Variants in AP4S1 observed in about 807,000 individuals in gnomAD.
AP4S1 encodes the protein AP-4 complex subunit sigma-1.
A neutral mutation model predicts 19.8 loss-of-function variants in AP4S1; 23 were observed. The ratio of observed to expected loss-of-function variants is 1.16; its 90% CI spans 0.84 to 1.65. AP4S1 has a LOEUF of 1.65. Ranked by LOEUF, AP4S1 falls within the 40% of genes most tolerant of loss-of-function variation. AP4S1 has a pLI of 0.00. For missense variants in AP4S1, 166 were observed against 172.8 expected (o/e 0.96, Z 0.22); for synonymous variants, 46 against 54.1 (o/e 0.85, Z 0.66).
chr14:31,028,140 A>G (rs978691981), intron 1 of AP4S1, among the ~76,000 whole-genome samples: 3 of 152,212 alleles, frequency 2.0e-5, no homozygotes, highest in Middle Eastern at 3.4e-3. Flanking sequence ...AGATTGCAGT[A>G]CTATAATGTT....
intron 5 of AP4S1, among the ~76,000 whole-genome samples, chr14:31,082,081 A>T (rs756362801): frequency 6.6e-6 from 1 of 152,072 alleles, no homozygotes; most frequent in African/African-American, 2.4e-5. Flanking sequence ...GGAAATTGCT[A>T]TTTACTTGTT....
chr14:31,072,626 C>T (rs1464819112), intron 3 of AP4S1, among the ~76,000 whole-genome samples: 1 of 152,186 alleles, frequency 6.6e-6, no homozygotes. Context: ...TCACCTTGGC[C>T]TCCCAAAGTG....
At chr14:31,033,274 C>T (rs528920062) in intron 1 of AP4S1, among the ~76,000 whole-genome samples, 10 of 151,834 alleles carry the variant, frequency 6.6e-5, no homozygotes, top group African/African-American at 1.7e-4. Flanking sequence ...AGTGCAGTGG[C>T]GTGATCTCGG....
At chr14:31,035,808 C>T (rs971066497) in intron 1 of AP4S1, among the ~76,000 whole-genome samples, 1 of 151,366 alleles carries the variant, frequency 6.6e-6, no homozygotes, top group Non-Finnish European at 1.5e-5. Context: ...CGACTCACTG[C>T]AACTTCCGCC....
At chr14:31,035,991 A>G (rs1322780627) in intron 1 of AP4S1, among the ~76,000 whole-genome samples, 1 of 152,040 alleles carries the variant, frequency 6.6e-6, no homozygotes, top group African/African-American at 2.4e-5. Context: ...TGGCCTCCCA[A>G]AGTGCTGGGA....
intron 1 of AP4S1, among the ~76,000 whole-genome samples, chr14:31,054,320 A>C (rs954523475): frequency 6.6e-6 from 1 of 152,226 alleles, no homozygotes; most frequent in African/African-American, 2.4e-5. Flanking sequence ...ATAAATAATA[A>C]TTGAGTAAAT....
chr14:31,084,619 G>A, intron 5 of AP4S1: 2 of 1,318,988 alleles, frequency 1.5e-6, no homozygotes, highest in Non-Finnish European at 2.1e-6. Flanking sequence ...ATACACTCCT[G>A]TGCACTCTTC....
At chr14:31,084,063 G>A (rs551252468) in intron 5 of AP4S1, among the ~76,000 whole-genome samples, 11 of 152,312 alleles carry the variant, frequency 7.2e-5, no homozygotes, top group Non-Finnish European at 1.5e-4. Context: ...TGCCAGGAAA[G>A]CTCCCTTAGG....
intron 1 of AP4S1, among the ~76,000 whole-genome samples, chr14:31,035,944 A>T (rs908647602): frequency 6.6e-6 from 1 of 151,884 alleles, no homozygotes; most frequent in Non-Finnish European, 1.5e-5. Context: ...GTTAGCCAGG[A>T]TGGTCTCGAT....
At chr14:31,049,441 A>ATATATATG (rs1885636601) in intron 1 of AP4S1, among the ~76,000 whole-genome samples, 2 of 57,976 alleles carry the variant, frequency 3.4e-5, no homozygotes, top group Non-Finnish European at 5.8e-5. Context: ...ATATATATAT[A>ATATATATG]TATATATATA....
intron 1 of AP4S1, among the ~76,000 whole-genome samples, chr14:31,061,648 T>A (rs1233112267): frequency 8.5e-6 from 1 of 117,862 alleles, no homozygotes; most frequent in Non-Finnish European, 1.9e-5. Context: ...TTAAAATCAA[T>A]TTTTTTTTTT....
At chr14:31,080,981 G>A (rs1594706905) in intron 5 of AP4S1, among the ~76,000 whole-genome samples, 1 of 152,000 alleles carries the variant, frequency 6.6e-6, no homozygotes, top group Non-Finnish European at 1.5e-5. Flanking sequence ...TAGTAGACAC[G>A]GGGTTTCACC....
chr14:31,054,893 AAAAC>A, intron 1 of AP4S1, among the ~76,000 whole-genome samples: 2 of 148,766 alleles, frequency 1.3e-5, no homozygotes, highest in South Asian at 2.1e-4. Flanking sequence ...AAAAAAAAAA[AAAAC>A]AGTGACAGGT....
chr14:31,050,208 C>T (rs1376505579), intron 1 of AP4S1, among the ~76,000 whole-genome samples: 1 of 152,212 alleles, frequency 6.6e-6, no homozygotes, highest in African/African-American at 2.4e-5. Flanking sequence ...AGGCGTGAGC[C>T]ACCACGCCTG....
intron 1 of AP4S1, among the ~76,000 whole-genome samples, chr14:31,042,938 G>A (rs1163882780): frequency 6.6e-6 from 1 of 152,114 alleles, no homozygotes; most frequent in Non-Finnish European, 1.5e-5. Flanking sequence ...ATGTAGCTGG[G>A]CACAGTGGCT....
chr14:31,055,812 A>G (rs574315773), intron 1 of AP4S1, among the ~76,000 whole-genome samples: 1 of 151,334 alleles, frequency 6.6e-6, no homozygotes, highest in Non-Finnish European at 1.5e-5. Context: ...GTCATCAACT[A>G]TCATTTTCTT....
chr14:31,026,792 C>G (rs1002190076), intron 1 of AP4S1: 1 of 152,374 alleles, frequency 6.6e-6, no homozygotes, highest in Non-Finnish European at 1.5e-5. Flanking sequence ...GCTTTCTGAG[C>G]TGGTTGTTAA....
chr14:31,050,845 T>C (rs1316848383), intron 1 of AP4S1, among the ~76,000 whole-genome samples: 2 of 152,220 alleles, frequency 1.3e-5, no homozygotes, highest in African/African-American at 4.8e-5. Context: ...GTCATCTTAT[T>C]TCCTTAATCT....
intron 5 of AP4S1, among the ~76,000 whole-genome samples, chr14:31,088,123 G>C (rs3784165): frequency 0.42 from 63,642 of 151,896 alleles, 13,443 homozygotes; most frequent in South Asian, 0.54. Flanking sequence ...TCAGCCAGTA[G>C]CCCGGAAGAT....
Sources: allele counts gnomAD v4.1 joint callset (sites outside exome capture counted in the v4.1 genomes callset), GRCh38; gene constraint gnomAD v4.1.1; transcripts MANE v1.5; gene names NCBI Gene and HGNC (gene_info 2026-07-23, HGNC 2026-07-21).